The following PDXK variants were observed in gnomAD, a reference collection of about 807,000 sequenced individuals.
The protein encoded by PDXK is pyridoxal kinase.
In PDXK, 15 loss-of-function variants were observed where a neutral mutation model predicts 43.2. The ratio of observed to expected loss-of-function variants is 0.35; its 90% CI spans 0.23 to 0.53. The LOEUF (loss-of-function observed/expected upper bound fraction) is 0.53. Ranked by LOEUF, PDXK falls within the 20% of genes least tolerant of loss-of-function variation. The pLI is 0.92. For synonymous variants in PDXK, 172 were observed against 165.4 expected (o/e 1.04, Z -0.31); for missense variants, 343 against 417.0 (o/e 0.82, Z 1.54).
intron 6 of PDXK, among the ~76,000 whole-genome samples, chr21:43,750,141 A>G (rs988084612): frequency 2.0e-5 from 3 of 152,226 alleles, no homozygotes; most frequent in African/African-American, 7.2e-5. Flanking sequence ...TGGGTGGCCC[A>G]TGCGTGCATT....
rs545165745 is a variant in PDXK at position 43,732,270 on chromosome 21, A to G, written c.88-1799A>G. ...CCAGCTGAAGGACATGTGTAACAGC[A>G]GGAGATACCTTTCTCTGGGGTCCCA... On this transcript the variant is annotated intron_variant, in intron 1 of 10. Transcript: ENST00000291565. The surrounding 1 kb of genome is among the most constrained non-coding windows in gnomAD (Gnocchi z 4.1). 10 of 1,527,324 alleles carry G rather than the reference A, an allele frequency of 6.5e-6. No individual in the cohort carries two copies. The African/African-American group carries it at 1.2e-4, about 19-fold the overall frequency. 94.6% of individuals were successfully genotyped at this position (1,527,324 alleles called of 1,614,324 possible).
At chr21:43,739,070 A>G (rs1357026897) in intron 2 of PDXK, among the ~76,000 whole-genome samples, 1 of 151,830 alleles carries the variant, frequency 6.6e-6, no homozygotes, top group African/African-American at 2.4e-5. Flanking sequence ...AGTAGCTGGG[A>G]CTACAGGCAC....
At chr21:43,753,850 G>C (rs572839808) in intron 9 of PDXK, 131 bp downstream of exon 9, 39 of 1,069,964 alleles carry the variant, frequency 3.6e-5, no homozygotes, top group Admixed American at 7.8e-5. Flanking sequence ...CCCCAGTTGT[G>C]GGGGAGGGCA....
intron 1 of PDXK, among the ~76,000 whole-genome samples, chr21:43,727,503 T>A (rs1019052815): frequency 6.6e-6 from 1 of 152,172 alleles, no homozygotes; most frequent in Non-Finnish European, 1.5e-5. Flanking sequence ...CTCCGGCAGC[T>A]TTCCCCATTC....
At chr21:43,720,275 C>T (rs567285790) in intron 1 of PDXK, among the ~76,000 whole-genome samples, 1 of 152,302 alleles carries the variant, frequency 6.6e-6, no homozygotes, top group South Asian at 2.1e-4. Context: ...CTGTGCTGCC[C>T]ACCTGCGGCC....
Position 43,760,863 on chromosome 21 carries a change from T to C in PDXK, c.*4800T>C, listed in dbSNP as rs2083922811. 1 of 152,222 alleles carries C rather than the reference T, an allele frequency of 6.6e-6. No individual in the cohort carries two copies. The highest frequency in any genetic ancestry group is 1.9e-4 in the East Asian group (1 of 5,192). The allele number at this position is 152,222 out of a possible 1,614,324, so 9.4% of individuals were successfully genotyped here. On this transcript the variant is annotated 3_prime_UTR_variant, in exon 11 of 11. Transcript: ENST00000291565. ...CTGGGGGCTTTCTGTCGCATGTGTG[T>C]CTCCTGTCGACTCTGCAGTTTGTTC...
At chr21:43,748,759 CCT>C (rs1393040448) in intron 5 of PDXK, among the ~76,000 whole-genome samples, 5 of 152,294 alleles carry the variant, frequency 3.3e-5, no homozygotes, top group South Asian at 2.1e-4. Flanking sequence ...CACTGTGCGC[CCT>C]GAGTCCTCCC....
In PDXK at chr21:43,760,023, C is replaced by G. The variant is rs986465820; in HGVS notation, c.*3960C>G. ...GGCGGGTCTGGGTGGACACCGTCCC[C>G]ACTCCGGACTCCCAGCACAGGGGAG... On this transcript the variant is annotated 3_prime_UTR_variant, in exon 11 of 11. Coordinates refer to ENST00000291565, the MANE Select transcript of PDXK (RefSeq NM_003681.5). 1.3e-5 allele frequency: 2 copies of G among 152,406 alleles called. No individual in the cohort carries two copies. Among genetic ancestry groups the G allele is most frequent in the Admixed American group, 1.3e-4 (2 of 15,140 alleles). The allele number at this position is 152,406 out of a possible 1,614,324, so 9.4% of individuals were successfully genotyped here. A position where few individuals can be genotyped will look rare whatever the true frequency, so the allele number is the denominator to read the frequency against.
In PDXK at chr21:43,732,075, C is replaced by T; in HGVS notation, c.88-1994C>T. On this transcript the variant is annotated intron_variant, in intron 1 of 10. Transcript: ENST00000291565. This position sits in a 1 kb window ranked among gnomAD's most constrained non-coding sequence, Gnocchi z 4.1. ...GGAAGGGACGGTCACTACCGCTGCC[C>T]CTGTGGGGAGAAGAGCCCCGGGGGA... 2.8e-6 allele frequency: 3 copies of T among 1,056,286 alleles called. No homozygotes were observed. The highest frequency in any genetic ancestry group is 3.6e-6 in the Non-Finnish European group (3 of 835,884). 65.4% of individuals were successfully genotyped at this position (1,056,286 alleles called of 1,614,324 possible). A position where few individuals can be genotyped will look rare whatever the true frequency, so the allele number is the denominator to read the frequency against.
In PDXK at chr21:43,735,281, T is replaced by G. The variant is rs1224435173; in HGVS notation, c.142+1158T>G. Among the ~76,000 whole-genome samples the G allele has an allele frequency of 6.6e-6, 1 of 152,238 alleles. No homozygotes were observed. The highest frequency in any genetic ancestry group is 6.5e-5 in the Admixed American group (1 of 15,288). Reference sequence around the variant, plus strand: ...AGGATTTATTTTTCAGTGAGTGAGCTGGCCGGCTTGGACACTAAAGCAGGG... The same window carrying G: ...AGGATTTATTTTTCAGTGAGTGAGCGGGCCGGCTTGGACACTAAAGCAGGG... On this transcript the variant is annotated intron_variant, in intron 2 of 10. Coordinates refer to ENST00000291565, the MANE Select transcript of PDXK (RefSeq NM_003681.5). The surrounding 1 kb of genome is among the most constrained non-coding windows in gnomAD (Gnocchi z 5.3).
intron 1 of PDXK, among the ~76,000 whole-genome samples, chr21:43,725,098 C>T (rs185369048): frequency 2.0e-5 from 3 of 151,410 alleles, no homozygotes; most frequent in Admixed American, 2.0e-4. Flanking sequence ...CTGAGGCAGG[C>T]GGATCACAAG....
chr21:43,740,623 C>T (rs2083481883), intron 2 of PDXK, among the ~76,000 whole-genome samples: 1 of 151,830 alleles, frequency 6.6e-6, no homozygotes, highest in Non-Finnish European at 1.5e-5. Flanking sequence ...AGGAAGGGCT[C>T]CCAGGAGGCT....
At chr21:43,733,489 C>T (rs546515121) in intron 1 of PDXK, 269 of 211,882 alleles carry the variant, frequency 1.3e-3, no homozygotes, top group African/African-American at 6.1e-3. Context: ...GCCCCCACTC[C>T]GTGGATTCCG....
intron 8 of PDXK, among the ~76,000 whole-genome samples, chr21:43,753,167 C>T (rs1420216855): frequency 3.9e-5 from 6 of 152,154 alleles, no homozygotes; most frequent in African/African-American, 1.2e-4. Flanking sequence ...CATGGGCACA[C>T]ATAGGCATAC....
chr21:43,743,674 C>G (rs148518177), intron 3 of PDXK, 50 bp from the exon 4 acceptor site: 2 of 1,270,744 alleles, frequency 1.6e-6, no homozygotes, highest in Non-Finnish European at 2.3e-6. Flanking sequence ...CACAGTTGAT[C>G]GTGGTGAGTC....
chr21:43,727,072 A>T (rs1482734100), intron 1 of PDXK, among the ~76,000 whole-genome samples: 1 of 152,004 alleles, frequency 6.6e-6, no homozygotes, highest in African/African-American at 2.4e-5. Context: ...CTTCCTTCCT[A>T]GGAGGCTTGG....
rs1158425283 is a variant in PDXK, at chr21:43,756,413, G to C, written c.*350G>C. On this transcript the variant is annotated 3_prime_UTR_variant, in exon 11 of 11. Coordinates refer to ENST00000291565, the MANE Select transcript of PDXK (RefSeq NM_003681.5). ...GTGGAGCCTCGAGTGGGCCCTGGCT[G>C]CCACTACCGTACAGAGGCCGTGTCG... 1.5e-5 allele frequency: 4 copies of C among 259,736 alleles called. No homozygotes were observed. The highest frequency in any genetic ancestry group is 3.1e-5 in the Non-Finnish European group (4 of 130,120). 16.1% of individuals were successfully genotyped at this position (259,736 alleles called of 1,614,324 possible).
chr21:43,742,242 C>T (rs527806007), intron 3 of PDXK, among the ~76,000 whole-genome samples: 44 of 152,176 alleles, frequency 2.9e-4, no homozygotes, highest in Non-Finnish European at 5.3e-4. Flanking sequence ...TGCAATGGCA[C>T]AATCATAGCT....
chr21:43,743,931 C>G, intron 4 of PDXK, 124 bp downstream of exon 4: 1 of 696,680 alleles, frequency 1.4e-6, no homozygotes, highest in South Asian at 1.6e-5. Context: ...CCCGCCTCTC[C>G]GGGCCAGTGA....
Sources: gnomAD v4.1 joint callset for allele counts (sites outside exome capture counted in the v4.1 genomes callset) on GRCh38, gnomAD v4.1.1 for gene constraint, Gnocchi (gnomAD v3.1) non-coding constraint, MANE v1.5 for transcripts, NCBI Gene and HGNC (gene_info 2026-07-23, HGNC 2026-07-21) for gene names.